RNF4: variants seen among roughly 807,000 people sequenced by gnomAD.
RNF4 encodes the protein ring finger protein 4, also known as E3 ubiquitin-protein ligase RNF4.
RNF4 carries 7 observed loss-of-function variants against 24.3 expected under a neutral mutation model. That is an observed-to-expected ratio of 0.29 (90% confidence interval 0.16 to 0.54). The LOEUF (loss-of-function observed/expected upper bound fraction) is 0.54. Among genes scored for constraint, RNF4 ranks in the 20% least tolerant of loss-of-function variants. The pLI, the probability that RNF4 is intolerant of heterozygous loss-of-function variation, is 0.95. For synonymous variants in RNF4, 83 were observed against 84.3 expected, an observed-to-expected ratio of 0.98 and a Z score of 0.09; for missense variants, 209 against 248.5, an observed-to-expected ratio of 0.84 and a Z score of 1.07.
chr4:2,504,149 G>T (rs1241260633), intron 4 of RNF4, among the ~76,000 whole-genome samples: 1 of 152,220 alleles, frequency 6.6e-6, no homozygotes, highest in Non-Finnish European at 1.5e-5. Flanking sequence ...GAAGGGAAAT[G>T]AAAAATGCGG....
At chr4:2,499,524 C>T (rs954899818) in intron 3 of RNF4, 39 of 267,300 alleles carry the variant, frequency 1.5e-4, no homozygotes, top group African/African-American at 8.9e-4. Context: ...GATCCGCCCA[C>T]CTCAGCCTCC....
At chr4:2,495,346 A>C (rs1238434424) in intron 2 of RNF4, among the ~76,000 whole-genome samples, 3 of 152,208 alleles carry the variant, frequency 2.0e-5, no homozygotes, top group Non-Finnish European at 2.9e-5. Context: ...TCTCTCCTGC[A>C]ATATCTGGTC....
At position 2,497,074 on chromosome 4, in the gene RNF4, C is replaced by T. The variant is rs1735759478; in HGVS notation, c.77C>T (p.Thr26Ile). The change falls in exon 3 of 8, where the codon ACC (threonine) becomes ATC (isoleucine). Residue 26 changes from threonine (T) to isoleucine (I), a missense_variant. By Grantham distance (89) the Thr-to-Ile change is moderately conservative. Coordinates refer to ENST00000314289, the MANE Select transcript of RNF4 (RefSeq NM_002938.5). Reference sequence around the variant, plus strand: ...AAGCGAACTCGGGAAGCAACCTCCACCCCCGAGATCTCCTTGGAAGCAGAA... The same window carrying T: ...AAGCGAACTCGGGAAGCAACCTCCATCCCCGAGATCTCCTTGGAAGCAGAA... ...AQKRTREATS[T>I]PEISLEAEPI... The T allele has an allele frequency of 1.2e-6, 2 of 1,609,602 alleles. No individual in the cohort carries two copies. The highest frequency in any genetic ancestry group is 2.2e-5 in the East Asian group (1 of 44,730).
chr4:2,490,450 A>G lies in RNF4; in HGVS notation c.-44A>G. On this transcript the variant is annotated 5_prime_UTR_variant, in exon 2 of 8. Coordinates refer to ENST00000314289, the MANE Select transcript of RNF4 (RefSeq NM_002938.5). ...GACTTCCCTGCAAACCTTGGTATAGATCACTTCCTTTTCTGTAGGAAAGGA... is the reference window on the plus strand; with the variant it reads ...GACTTCCCTGCAAACCTTGGTATAGGTCACTTCCTTTTCTGTAGGAAAGGA... 1 of 1,608,628 alleles carries G rather than the reference A, an allele frequency of 6.2e-7. No individual in the cohort carries two copies.
chr4:2,496,998 G>A lies in RNF4; in HGVS notation c.10-9G>A, dbSNP rs375976580. The A allele has an allele frequency of 1.1e-5, 18 of 1,583,978 alleles. No homozygotes were observed. Among genetic ancestry groups the A allele is most frequent in the Non-Finnish European group, 1.5e-5 (17 of 1,164,678 alleles). On this transcript the variant is annotated splice_polypyrimidine_tract_variant and intron_variant, in intron 2 of 7. Transcript: ENST00000314289. ...TTCATGTGACTCTTCTTTCCCCCTT[G>A]CTACTCAGAGAAAGCGTCGTGGTGG...
chr4:2,499,051 G>C (rs1353156348), intron 3 of RNF4, among the ~76,000 whole-genome samples: 2 of 152,052 alleles, frequency 1.3e-5, no homozygotes, highest in African/African-American at 4.8e-5. Context: ...GCAAAAATTA[G>C]ACGGGCGTGG....
chr4:2,513,131 G>C lies in RNF4; in HGVS notation c.423G>C (p.Glu141Asp). 1 of 1,613,660 alleles carries C rather than the reference G, an allele frequency of 6.2e-7. No individual in the cohort carries two copies. Among genetic ancestry groups the C allele is most frequent in the Non-Finnish European group, 8.5e-7 (1 of 1,179,628 alleles). ...SCPICMDGYS[E>D]IVQNGRLIVS... Reference sequence around the variant, plus strand: ...CCATCTGCATGGACGGATACTCAGAGGTAAGTAAACCAAGCTGTATCTTCC... The same window carrying C: ...CCATCTGCATGGACGGATACTCAGACGTAAGTAAACCAAGCTGTATCTTCC... The change falls in exon 7 of 8, where the codon GAG (glutamate) becomes GAC (aspartate). Residue 141 changes from glutamate (E) to aspartate (D), a missense_variant and splice_region_variant. By Grantham distance (45) the Glu-to-Asp change is conservative (BLOSUM62 2). Coordinates refer to ENST00000314289, the MANE Select transcript of RNF4 (RefSeq NM_002938.5).
rs1473825598 is a variant in RNF4 at position 2,514,943 on chromosome 4, T to C, written c.*1124T>C. 1.3e-5 allele frequency: 2 copies of C among 152,370 alleles called. No homozygotes were observed. Among genetic ancestry groups the C allele is most frequent in the African/African-American group, 4.8e-5 (2 of 41,452 alleles). The allele number at this position is 152,370 out of a possible 1,614,324, so 9.4% of individuals were successfully genotyped here. On this transcript the variant is annotated 3_prime_UTR_variant, in exon 8 of 8. Transcript: ENST00000314289. ...TTCTGACTGCTCCATAGGTTTTGAC[T>C]GGTGAAACAGGGGCCCAGATGACAA... is the stretch of plus-strand genomic sequence containing the variant.
At chr4:2,498,427 A>G (rs144899447) in intron 3 of RNF4, among the ~76,000 whole-genome samples, 1,692 of 152,010 alleles carry the variant, frequency 0.011, 41 homozygotes, top group Non-Finnish European at 9.9e-3. Context: ...ACCTCAGATT[A>G]TCCACCTGCC....
chr4:2,501,035 G>C (rs1004726181), intron 4 of RNF4, among the ~76,000 whole-genome samples: 5 of 152,182 alleles, frequency 3.3e-5, no homozygotes, highest in Non-Finnish European at 2.9e-5. Flanking sequence ...GCCACACCTG[G>C]GCACAAAAGT....
At chr4:2,475,645 G>A (rs1211881573) in intron 1 of RNF4, among the ~76,000 whole-genome samples, 1 of 152,034 alleles carries the variant, frequency 6.6e-6, no homozygotes, top group African/African-American at 2.4e-5. Context: ...GCCCACACCT[G>A]GCTAATTTTT....
chr4:2,497,279 G>A (rs778809233), intron 3 of RNF4, 158 bp downstream of exon 3: 26 of 549,554 alleles, frequency 4.7e-5, no homozygotes, highest in Non-Finnish European at 7.8e-5. Context: ...TTCTGAAATA[G>A]CTTCTCAACT....
intron 4 of RNF4, among the ~76,000 whole-genome samples, chr4:2,503,783 T>C (rs1735986490): frequency 6.6e-6 from 1 of 152,158 alleles, no homozygotes; most frequent in Admixed American, 6.5e-5. Flanking sequence ...AATGGATAAA[T>C]GTATTCATTC....
chr4:2,472,054 C>G (rs1734924550), intron 1 of RNF4, among the ~76,000 whole-genome samples: 1 of 152,198 alleles, frequency 6.6e-6, no homozygotes, highest in Admixed American at 6.5e-5. Flanking sequence ...CTATCTAGGA[C>G]TTTCATAGCT....
rs947684089 is a variant in RNF4, at chr4:2,497,224, C to T, written c.124+103C>T. 43 of 745,296 alleles carry T rather than the reference C, an allele frequency of 5.8e-5. No homozygotes were observed. In the African/African-American group the frequency reaches 6.9e-4, roughly 12 times the overall value. 46.2% of individuals were successfully genotyped at this position (745,296 alleles called of 1,614,324 possible). On this transcript the variant is annotated intron_variant, in intron 3 of 7. Coordinates refer to ENST00000314289, the MANE Select transcript of RNF4 (RefSeq NM_002938.5). Reference sequence around the variant, plus strand: ...GGTGCTTTCAGTGTCTTTAGAAGGCCTATGCAGTCTCACACTCACCATGTA... The same window carrying T: ...GGTGCTTTCAGTGTCTTTAGAAGGCTTATGCAGTCTCACACTCACCATGTA...
Position 2,512,671 on chromosome 4 carries a change from A to C in RNF4, c.374+74A>C. 1.3e-6 allele frequency: 2 copies of C among 1,547,032 alleles called. No homozygotes were observed. The highest frequency in any genetic ancestry group is 1.8e-6 in the Non-Finnish European group (2 of 1,140,928). ...CAGGGCATGGGAATACTTTTCAGCA[A>C]ATCTGTGAGCCCTTGGCCCTGGAAG... On this transcript the variant is annotated intron_variant, in intron 6 of 7. Transcript: ENST00000314289. The surrounding 1 kb of genome is among the most constrained non-coding windows in gnomAD (Gnocchi z 4.1).
chr4:2,512,405 C>G lies in RNF4; in HGVS notation c.215-33C>G. 2 of 1,582,326 alleles carry G rather than the reference C, an allele frequency of 1.3e-6. No homozygotes were observed. The highest frequency in any genetic ancestry group is 1.7e-6 in the Non-Finnish European group (2 of 1,164,318). ...TGGTGAGGATGGTAAGAGTAGAGAG[C>G]CTCCAACCTGAAAATGTGACCTCTT... On this transcript the variant is annotated intron_variant, in intron 5 of 7. Transcript: ENST00000314289. The surrounding 1 kb of genome is among the most constrained non-coding windows in gnomAD (Gnocchi z 4.1).
chr4:2,499,802 T>C (rs188915134), intron 3 of RNF4, among the ~76,000 whole-genome samples: 24 of 152,248 alleles, frequency 1.6e-4, no homozygotes, highest in Non-Finnish European at 2.9e-4. Flanking sequence ...GCTATCAGTA[T>C]ATATCACTGT....
intron 4 of RNF4, among the ~76,000 whole-genome samples, chr4:2,511,655 G>T (rs1736272155): frequency 6.6e-6 from 1 of 151,668 alleles, no homozygotes; most frequent in African/African-American, 2.4e-5. Context: ...AGGTCCCCAG[G>T]TCTTGCAGTC....
Sources: allele counts gnomAD v4.1 joint callset (sites outside exome capture counted in the v4.1 genomes callset), GRCh38; gene constraint gnomAD v4.1.1; non-coding constraint Gnocchi (gnomAD v3.1); transcripts MANE v1.5; gene names NCBI Gene and HGNC (gene_info 2026-07-23, HGNC 2026-07-21).